CXADR: variants seen among roughly 807,000 people sequenced by gnomAD.
The protein encoded by CXADR is CXADR cell adhesion molecule.
A neutral mutation model predicts 40.3 loss-of-function variants in CXADR; 20 were observed. The observed-to-expected ratio is 0.50, with a 90% CI of 0.35 to 0.72. The LOEUF (loss-of-function observed/expected upper bound fraction) is 0.72, where lower values mean the gene tolerates loss of function less well. Ranked by LOEUF, CXADR falls within the 30% of genes least tolerant of loss-of-function variation. The pLI is 0.01. For missense variants in CXADR, 332 were observed against 449.1 expected, an observed-to-expected ratio of 0.74 and a Z score of 2.36; for synonymous variants, 150 against 161.3, an observed-to-expected ratio of 0.93 and a Z score of 0.53.
intron 7 of CXADR, among the ~76,000 whole-genome samples, chr21:17,591,494 C>T (rs2061434667): frequency 6.6e-6 from 1 of 151,930 alleles, no homozygotes; most frequent in Non-Finnish European, 1.5e-5. Flanking sequence ...ATTATCTTAA[C>T]TTGGAACCAC....
chr21:17,547,762 A>ATT (rs35567441), intron 2 of CXADR, among the ~76,000 whole-genome samples: 4 of 151,744 alleles, frequency 2.6e-5, no homozygotes, highest in Non-Finnish European at 5.9e-5. Context: ...TTTTAAATTT[A>ATT]TTTTTTTTAC....
At chr21:17,551,131 G>A (rs561331768) in intron 2 of CXADR, among the ~76,000 whole-genome samples, 3 of 152,288 alleles carry the variant, frequency 2.0e-5, no homozygotes, top group Admixed American at 6.5e-5. Flanking sequence ...CAGGCATGGT[G>A]ACTCACACCT....
At chr21:17,593,940 G>T, downstream of CXADR, 2 of 984,562 alleles carry the variant, frequency 2.0e-6, no homozygotes, top group Non-Finnish European at 1.4e-6. Flanking sequence ...TATTTTTTAA[G>T]AAAGATTATT....
chr21:17,584,269 G>A (rs139752947), intron 7 of CXADR, among the ~76,000 whole-genome samples: 23 of 152,290 alleles, frequency 1.5e-4, no homozygotes, highest in African/African-American at 3.6e-4. Flanking sequence ...CTAGTCCAGC[G>A]TTTGGCTGGT....
chr21:17,622,426 T>A, the CXADR span, among the ~76,000 whole-genome samples: 6 of 152,186 alleles, frequency 3.9e-5, no homozygotes, highest in African/African-American at 1.4e-4. Flanking sequence ...TTTCTTTACC[T>A]TGTAGGAAGT....
Position 17,565,500 on chromosome 21 carries a change from G to T in CXADR, c.906G>T (p.Leu302=). The stretch of plus-strand genomic sequence containing the variant: ...ACATCGGCAGTAATCATTCATCCCT[G>T]GGGTCCATGTCTCCTTCCAACATGG... The part of the protein sequence containing the change: ...RSYIGSNHSS[L]GSMSPSNMEG... Residue 302 remains leucine, a synonymous_variant, in exon 7 of 7, where the codon CTG becomes CTT. Transcript: ENST00000284878. The T allele has an allele frequency of 6.2e-7, 1 of 1,613,888 alleles. No homozygotes were observed. Among genetic ancestry groups the T allele is most frequent in the Non-Finnish European group, 8.5e-7 (1 of 1,179,846 alleles).
At chr21:17,570,992 A>G (rs1363160253), downstream of CXADR, among the ~76,000 whole-genome samples, 1 of 152,142 alleles carries the variant, frequency 6.6e-6, no homozygotes, top group East Asian at 1.9e-4. Context: ...CACCCGCTGG[A>G]TATCAGTAGC....
chr21:17,525,662 G>C (rs997571022), intron 1 of CXADR, among the ~76,000 whole-genome samples: 2 of 152,204 alleles, frequency 1.3e-5, no homozygotes, highest in Admixed American at 6.5e-5. Context: ...AACTTACTCA[G>C]TTGTACAGTG....
downstream of CXADR, among the ~76,000 whole-genome samples, chr21:17,595,879 T>C (rs909400297): frequency 2.6e-5 from 4 of 152,146 alleles, no homozygotes; most frequent in Admixed American, 1.3e-4. Context: ...AAAGTAGTGG[T>C]ACTATTTTAC....
chr21:17,527,895 G>A (rs1367582833), intron 1 of CXADR, among the ~76,000 whole-genome samples: 3 of 149,778 alleles, frequency 2.0e-5, no homozygotes, highest in Non-Finnish European at 4.4e-5. Context: ...GACAGGAAAT[G>A]CTCAGCTTCA....
intron 1 of CXADR, 131 bp from the exon 2 acceptor site, chr21:17,546,896 T>G (rs901972480): frequency 9.9e-7 from 1 of 1,008,368 alleles, no homozygotes; most frequent in African/African-American, 1.6e-5. Context: ...GAGTTTGGAC[T>G]CCATTCCTCG....
intron 7 of CXADR, among the ~76,000 whole-genome samples, chr21:17,584,054 A>G (rs2061378130): frequency 6.6e-6 from 1 of 152,206 alleles, no homozygotes; most frequent in African/African-American, 2.4e-5. Flanking sequence ...TTGTGTGTGT[A>G]TGTGTATGCA....
At chr21:17,532,100 T>G (rs2060685367) in intron 1 of CXADR, among the ~76,000 whole-genome samples, 1 of 152,012 alleles carries the variant, frequency 6.6e-6, no homozygotes. Flanking sequence ...ACAACTAACT[T>G]AAAAATTTTT....
intron 3 of CXADR, among the ~76,000 whole-genome samples, chr21:17,557,556 T>G (rs1296912693): frequency 6.6e-6 from 1 of 152,232 alleles, no homozygotes; most frequent in Admixed American, 6.5e-5. Flanking sequence ...TTTGGCTGAC[T>G]GGGCTTTGAC....
intron 7 of CXADR, among the ~76,000 whole-genome samples, chr21:17,592,568 CATT>C (rs748756094): frequency 9.2e-5 from 14 of 151,834 alleles, no homozygotes; most frequent in Admixed American, 2.6e-4. Context: ...ACAAATCTGT[CATT>C]ATCACCACAA....
the CXADR span, among the ~76,000 whole-genome samples, chr21:17,623,004 T>C: frequency 2.0e-5 from 3 of 152,166 alleles, no homozygotes; most frequent in Middle Eastern, 3.2e-3. Flanking sequence ...TGACTCTTTT[T>C]TTTTGAGACA....
At chr21:17,617,722 T>C in the CXADR span, among the ~76,000 whole-genome samples, 1 of 152,202 alleles carries the variant, frequency 6.6e-6, no homozygotes, top group African/African-American at 2.4e-5. Context: ...AGTCCTAATC[T>C]CTCTGCTGGT....
At chr21:17,519,276 G>A (rs2060499439) in intron 1 of CXADR, among the ~76,000 whole-genome samples, 1 of 152,160 alleles carries the variant, frequency 6.6e-6, no homozygotes, top group African/African-American at 2.4e-5. Context: ...TGTGGCTCCT[G>A]GCAGACAGCT....
At chr21:17,520,589 C>T (rs1006290191) in intron 1 of CXADR, among the ~76,000 whole-genome samples, 25 of 152,226 alleles carry the variant, frequency 1.6e-4, no homozygotes, top group African/African-American at 5.1e-4. Flanking sequence ...TAAGGTTATA[C>T]GCTGAGATTT....
Sources: allele counts gnomAD v4.1 joint callset (sites outside exome capture counted in the v4.1 genomes callset), GRCh38; gene constraint gnomAD v4.1.1; transcripts MANE v1.5; gene names NCBI Gene and HGNC (gene_info 2026-07-23, HGNC 2026-07-21).